VWDE: variants seen among roughly 807,000 people sequenced by gnomAD.
The protein encoded by VWDE is von Willebrand factor D and EGF domain-containing protein.
In VWDE, 207 loss-of-function variants were observed where a neutral mutation model predicts 178.4. The ratio of observed to expected loss-of-function variants is 1.16; its 90% confidence interval spans 1.04 to 1.30. The LOEUF (loss-of-function observed/expected upper bound fraction) is 1.30. Among genes scored for constraint, VWDE ranks in the 50% most tolerant of loss-of-function variants. VWDE has a pLI of 0.00. For missense variants in VWDE, 2,287 were observed against 1,901.3 expected (o/e 1.20, Z -3.77); for synonymous variants, 738 against 651.4 (o/e 1.13, Z -2.02).
At chr7:12,335,275 C>A (rs985959498) in intron 27 of VWDE, among the ~76,000 whole-genome samples, 1 of 152,012 alleles carries the variant, frequency 6.6e-6, no homozygotes, top group Non-Finnish European at 1.5e-5. Context: ...ATTTTAACAT[C>A]TTTTTTCAAG....
At chr7:12,377,448 C>G in intron 7 of VWDE, 1 of 168,306 alleles carries the variant, frequency 5.9e-6, no homozygotes, top group Non-Finnish European at 1.3e-5. Context: ...TTTCTGTAAA[C>G]TAAGCAAACA....
Position 12,373,240 on chromosome 7 carries a change from C to A in VWDE, c.1324G>T (p.Asp442Tyr). 2 of 1,550,606 alleles carry A rather than the reference C, an allele frequency of 1.3e-6. No homozygotes were observed. The highest frequency in any genetic ancestry group is 2.4e-5 in the South Asian group (2 of 83,888). Residue 442 changes from aspartate to tyrosine, a missense_variant, in exon 10 of 29, where the codon GAT (aspartate) becomes TAT (tyrosine). Coordinates refer to ENST00000275358, the MANE Select transcript of VWDE (RefSeq NM_001135924.3). ...HIITFDGRVY[D>Y]NFKTGTFVLY... ...ACAAATGTTCCAGTCTTGAAATTAT[C>A]ATATACCCTATCATTAACAAAAGGC...
chr7:12,372,265 G>A (rs1022542276), intron 10 of VWDE, among the ~76,000 whole-genome samples: 2 of 151,880 alleles, frequency 1.3e-5, no homozygotes, highest in South Asian at 2.1e-4. Flanking sequence ...TTTATACGTA[G>A]CAAATATTTT....
At chr7:12,331,511 C>A (rs187847760) in intron 28 of VWDE, among the ~76,000 whole-genome samples, 324 of 152,224 alleles carry the variant, frequency 2.1e-3, no homozygotes, top group African/African-American at 7.4e-3. Flanking sequence ...CACTGATACT[C>A]ATAACACATT....
In VWDE at chr7:12,370,051, C is replaced by G. The variant is rs748316826; in HGVS notation, c.2255G>C (p.Arg752Pro). 12 of 1,551,364 alleles carry G rather than the reference C, an allele frequency of 7.7e-6. No individual in the cohort carries two copies. The highest frequency in any genetic ancestry group is 1.0e-5 in the Non-Finnish European group (12 of 1,146,898). ...MRYNRQNRWK[R>P]QNFHEFPPLF... ...AGGAGGAAACTCATGAAAGTTCTGCCGTTTCCATCTGTTTTGTCGATTGTA... is the reference window on the plus strand; with the variant it reads ...AGGAGGAAACTCATGAAAGTTCTGCGGTTTCCATCTGTTTTGTCGATTGTA... The change falls in exon 12 of 29, where the codon CGG becomes CCG. Residue 752 changes from arginine to proline, a missense_variant. Physicochemically the swap from Arg to Pro is moderately radical, Grantham distance 103. Transcript: ENST00000275358.
At chr7:12,389,721 A>T (rs899003314) in intron 2 of VWDE, among the ~76,000 whole-genome samples, 1 of 152,236 alleles carries the variant, frequency 6.6e-6, no homozygotes, top group Admixed American at 6.5e-5. Flanking sequence ...CATAACACAA[A>T]GATAAACTGA....
intron 1 of VWDE, among the ~76,000 whole-genome samples, chr7:12,397,296 G>A (rs978612959): frequency 1.3e-5 from 2 of 152,034 alleles, no homozygotes; most frequent in Non-Finnish European, 2.9e-5. Flanking sequence ...CTTTGTCAAA[G>A]TCAACAAAAA....
In VWDE at chr7:12,389,321, GAC is replaced by G; in HGVS notation, c.279_280del (p.Leu95GlufsTer67). The G allele has an allele frequency of 6.4e-7, 1 of 1,550,698 alleles. No homozygotes were observed. Among genetic ancestry groups the G allele is most frequent in the South Asian group, 1.2e-5 (1 of 84,016 alleles). On this transcript the variant is annotated frameshift_variant, in exon 3 of 29. Transcript: ENST00000275358. LOFTEE classifies it high-confidence loss of function. ...TGGCAGTGTTTCTGAATCTCTCAGA[GAC>G]AGCCAGATGGGGGCCTGAGTTCCAC...
chr7:12,340,610 T>C (rs1562462586), intron 23 of VWDE, among the ~76,000 whole-genome samples, 193 bp from the exon 24 acceptor site: 1 of 152,172 alleles, frequency 6.6e-6, no homozygotes. Context: ...TGAAAGTATG[T>C]TCATTAAGTT....
rs1277472863 is a variant in VWDE at position 12,383,528 on chromosome 7, ATACT to A, written c.541+4_541+7del. The A allele has an allele frequency of 8.4e-6, 13 of 1,549,348 alleles. No individual in the cohort carries two copies. The highest frequency in any genetic ancestry group is 2.4e-5 in the East Asian group (1 of 40,832). ...AACACTATTAAAAAAGCAAAATATG[ATACT>A]TACGAACACAATCACCTCCTGTTTC... On this transcript the variant is annotated splice_donor_5th_base_variant and intron_variant, in intron 4 of 28. Coordinates refer to ENST00000275358, the MANE Select transcript of VWDE (RefSeq NM_001135924.3).
intron 6 of VWDE, 122 bp from the exon 7 acceptor site, chr7:12,378,042 TG>T: frequency 1.4e-6 from 1 of 702,838 alleles, no homozygotes; most frequent in Non-Finnish European, 2.1e-6. Flanking sequence ...AGCCCTAGAA[TG>T]TTTTAACTAA....
chr7:12,369,655 A>G lies in VWDE; in HGVS notation c.2651T>C (p.Ile884Thr). The change falls in exon 12 of 29, where the codon ATT becomes ACT. Residue 884 changes from isoleucine to threonine, a missense_variant. By Grantham distance (89) the Ile-to-Thr change is moderately conservative. Coordinates refer to ENST00000275358, the MANE Select transcript of VWDE (RefSeq NM_001135924.3). ...TEEYGTSIED[I>T]LSVLKCPNLC... ...ATTGGGGCATTTTAATACTGAGAGA[A>G]TGTCTTCAATTGATGTGCCATACTC... 1 of 1,551,594 alleles carries G rather than the reference A, an allele frequency of 6.4e-7. No homozygotes were observed. The highest frequency in any genetic ancestry group is 1.2e-5 in the South Asian group (1 of 84,058).
chr7:12,336,160 T>C lies in VWDE; in HGVS notation c.4635A>G (p.Glu1545=), dbSNP rs1781015087. ...GCTTACGTATTTGACACCGCACTCCTTCCCAGGAGGAAGGACAATGGCATA... is the reference window on the plus strand; with the variant it reads ...GCTTACGTATTTGACACCGCACTCCCTCCCAGGAGGAAGGACAATGGCATA... ...PSICHCPSSW[E]GVRCQIPICN... The change falls in exon 27 of 29, where the codon GAA becomes GAG. Residue 1545 remains glutamate (E), a synonymous_variant. Coordinates refer to ENST00000275358, the MANE Select transcript of VWDE (RefSeq NM_001135924.3). The C allele has an allele frequency of 6.4e-7, 1 of 1,551,016 alleles. No individual in the cohort carries two copies.
At chr7:12,386,013 T>C (rs1162890403) in intron 3 of VWDE, among the ~76,000 whole-genome samples, 1 of 152,150 alleles carries the variant, frequency 6.6e-6, no homozygotes, top group Non-Finnish European at 1.5e-5. Flanking sequence ...GTGTAAAAAA[T>C]ATTTGTGGTG....
At chr7:12,378,024 A>G in intron 6 of VWDE, 104 bp from the exon 7 acceptor site, 2 of 847,122 alleles carry the variant, frequency 2.4e-6, no homozygotes, top group Non-Finnish European at 3.3e-6. Flanking sequence ...TTACTAAATA[A>G]TAACTTAAGC....
In VWDE at chr7:12,379,524, C is replaced by T. The variant is rs1783722377; in HGVS notation, c.832G>A (p.Val278Ile). Residue 278 changes from valine (V) to isoleucine (I), a missense_variant, in exon 6 of 29, where the codon GTA (valine) becomes ATA (isoleucine). Transcript: ENST00000275358. Reference protein sequence around the residue: ...ASVFFLENPHVQSVAIESQEF... With the variant: ...ASVFFLENPHIQSVAIESQEF... Reference sequence around the variant, plus strand: ...TGGCTTTCGATGGCTACACTTTGTACATGAGGATTCTCCAAGAAAAAGACA... The same window carrying T: ...TGGCTTTCGATGGCTACACTTTGTATATGAGGATTCTCCAAGAAAAAGACA... 6.4e-7 allele frequency: 1 copy of T among 1,550,510 alleles called. No homozygotes were observed. Among genetic ancestry groups the T allele is most frequent in the South Asian group, 1.2e-5 (1 of 83,912 alleles).
chr7:12,343,173 A>G lies in VWDE; in HGVS notation c.4084T>C (p.Cys1362Arg), dbSNP rs1359175172. Residue 1362 changes from cysteine (C) to arginine (R), a missense_variant, in exon 22 of 29, where the codon TGT becomes CGT. By Grantham distance (180) the Cys-to-Arg change is radical (BLOSUM62 -3). Transcript: ENST00000275358. The part of the protein sequence containing the change: ...HGGATCDEEH[C>R]NPPCQHGGTC... ...CCACCATGTTGACAAGGTGGGTTAC[A>G]ATGTTCTGCAGAAACAGATTATGTT... The G allele has an allele frequency of 1.3e-6, 2 of 1,547,824 alleles. No homozygotes were observed. Among genetic ancestry groups the G allele is most frequent in the African/African-American group, 1.4e-5 (1 of 72,908 alleles).
At chr7:12,363,341 A>T (rs780625113) in intron 13 of VWDE, among the ~76,000 whole-genome samples, 5 of 152,070 alleles carry the variant, frequency 3.3e-5, no homozygotes, top group Non-Finnish European at 5.9e-5. Context: ...AACAGCATAA[A>T]CAGGAAGTTC....
intron 21 of VWDE, 151 bp downstream of exon 21, chr7:12,344,044 T>C: frequency 2.1e-6 from 1 of 471,682 alleles, no homozygotes; most frequent in Non-Finnish European, 3.7e-6. Flanking sequence ...TTATATTTAA[T>C]AAGTATTTTA....
Sources: gnomAD v4.1 joint callset for allele counts (sites outside exome capture counted in the v4.1 genomes callset) on GRCh38, gnomAD v4.1.1 for gene constraint, MANE v1.5 for transcripts, NCBI Gene and HGNC (gene_info 2026-07-23, HGNC 2026-07-21) for gene names.